Variants in STIM1 observed in about 807,000 individuals in gnomAD.
STIM1 encodes the protein stromal interaction molecule 1.
A neutral mutation model predicts 74.7 loss-of-function variants in STIM1; 25 were observed. The observed-to-expected ratio is 0.33, with a 90% CI of 0.24 to 0.47. The LOEUF is 0.47. STIM1 is among the 20% of genes least tolerant of loss of function. The pLI is 1.00. For missense variants in STIM1, 728 were observed against 920.8 expected (o/e 0.79, Z 2.71); for synonymous variants, 328 against 348.8 (o/e 0.94, Z 0.66).
Position 3,895,753 on chromosome 11 carries a change from TTCCTTC to T in STIM1, c.139+39345_139+39350del, listed in dbSNP as rs1565105477. On this transcript the variant is annotated intron_variant, in intron 1 of 12. Transcript: ENST00000526596. ...TTCTTTCTTTTTCTTTCTTCCTTCC[TTCCTTC>T]CTTCCTTCCTTCCTTCCTTCCTTCC... Among the ~76,000 whole-genome samples the T allele has an allele frequency of 1.9e-3, 113 of 58,112 alleles. 9 individuals are homozygous for T. Among genetic ancestry groups the T allele is most frequent in the Admixed American group, 3.1e-3 (17 of 5,408 alleles). The allele number at this position is 58,112 out of a possible 152,430, so 38.1% of individuals were successfully genotyped here.
chr11:3,872,261 C>T (rs891468280), intron 1 of STIM1, among the ~76,000 whole-genome samples: 2 of 151,900 alleles, frequency 1.3e-5, no homozygotes, highest in African/African-American at 4.8e-5. Flanking sequence ...CCATGTTGGC[C>T]AGGCTCATGT....
intron 2 of STIM1, among the ~76,000 whole-genome samples, chr11:4,013,595 G>A (rs909195063): frequency 1.3e-5 from 2 of 150,708 alleles, no homozygotes; most frequent in African/African-American, 4.9e-5. Context: ...GGGATCGGTG[G>A]CGATATCCCC....
intron 1 of STIM1, among the ~76,000 whole-genome samples, chr11:3,911,667 C>T (rs1590557345): frequency 1.3e-5 from 2 of 152,208 alleles, no homozygotes; most frequent in East Asian, 1.9e-4. Flanking sequence ...GTGTGAGCCA[C>T]CACCCCTGGC....
intron 1 of STIM1, among the ~76,000 whole-genome samples, chr11:3,873,215 A>G (rs958187844): frequency 2.6e-5 from 4 of 152,042 alleles, no homozygotes; most frequent in Non-Finnish European, 4.4e-5. Context: ...AGGGAGTTCG[A>G]GAGCAGCCTG....
At chr11:3,890,964 C>T (rs10767681) in intron 1 of STIM1, among the ~76,000 whole-genome samples, 51,945 of 152,042 alleles carry the variant, frequency 0.34, 10,075 homozygotes, top group South Asian at 0.47. Flanking sequence ...TTTGATATGA[C>T]TTAGGGTCCC....
At chr11:3,916,776 C>T (rs1283665098) in intron 1 of STIM1, among the ~76,000 whole-genome samples, 3 of 151,330 alleles carry the variant, frequency 2.0e-5, no homozygotes, top group African/African-American at 4.9e-5. Context: ...TTAGTAGAGA[C>T]GGGGTTTCGC....
At chr11:4,089,099 G>A in intron 12 of STIM1, 2 of 283,888 alleles carry the variant, frequency 7.0e-6, no homozygotes, top group Admixed American at 8.2e-5. Flanking sequence ...AGTTGGGCAT[G>A]GTGGCACATG....
rs1186038635 is a variant in STIM1, at chr11:4,091,819, A to C, written c.*21A>C. On this transcript the variant is annotated 3_prime_UTR_variant, in exon 13 of 13. Coordinates refer to ENST00000526596, the MANE Select transcript of STIM1 (RefSeq NM_001382567.1). ...AGTAGGCAGGATGGGGTGGCAGTAA[A>C]GGGACAGCTTGTCCTTCCCTGGGTG... The C allele has an allele frequency of 6.2e-7, 1 of 1,600,384 alleles. No homozygotes were observed. The highest frequency in any genetic ancestry group is 1.1e-5 in the South Asian group (1 of 91,072).
intron 12 of STIM1, among the ~76,000 whole-genome samples, chr11:4,090,129 T>C (rs1302229358): frequency 2.0e-5 from 3 of 152,200 alleles, no homozygotes; most frequent in African/African-American, 4.8e-5. Flanking sequence ...GACCGGCCCG[T>C]ACATAGGCCT....
intron 1 of STIM1, among the ~76,000 whole-genome samples, chr11:3,885,105 T>C (rs1018458697): frequency 1.3e-5 from 2 of 152,036 alleles, no homozygotes; most frequent in Middle Eastern, 3.2e-3. Context: ...TATAGATATA[T>C]TAAAAATCAC....
intron 1 of STIM1, chr11:3,947,798 A>C (rs2093096978): frequency 6.6e-6 from 1 of 152,004 alleles, no homozygotes; most frequent in Non-Finnish European, 1.5e-5. Flanking sequence ...ACCTACTTTC[A>C]CCATATATGT....
chr11:4,000,514 C>A (rs944972761), intron 2 of STIM1, among the ~76,000 whole-genome samples: 12 of 152,024 alleles, frequency 7.9e-5, no homozygotes, highest in Admixed American at 4.6e-4. Context: ...AACAGACCTG[C>A]AGCTGAGGGT....
chr11:4,028,622 C>G (rs907747633), intron 3 of STIM1, among the ~76,000 whole-genome samples: 1 of 151,724 alleles, frequency 6.6e-6, no homozygotes, highest in African/African-American at 2.4e-5. Flanking sequence ...TTGGACCAGG[C>G]TGGTCTCGAA....
At chr11:3,904,509 A>C (rs1392802654) in intron 1 of STIM1, among the ~76,000 whole-genome samples, 1 of 152,182 alleles carries the variant, frequency 6.6e-6, no homozygotes, top group Non-Finnish European at 1.5e-5. Flanking sequence ...TATTGGAGTT[A>C]AGCTTTACCG....
chr11:3,909,877 T>C (rs1415251365), intron 1 of STIM1, among the ~76,000 whole-genome samples: 2 of 151,526 alleles, frequency 1.3e-5, no homozygotes, highest in East Asian at 1.9e-4. Context: ...TAATGAGGTA[T>C]GGATTAGAAT....
At chr11:3,935,069 A>G (rs1486006267) in intron 1 of STIM1, among the ~76,000 whole-genome samples, 1 of 152,262 alleles carries the variant, frequency 6.6e-6, no homozygotes, top group East Asian at 1.9e-4. Flanking sequence ...AGTTGCAGCA[A>G]TGAGACACTC....
chr11:3,860,998 G>A (rs2090574377), intron 1 of STIM1, among the ~76,000 whole-genome samples: 1 of 152,146 alleles, frequency 6.6e-6, no homozygotes. Flanking sequence ...GGCTGGGCTA[G>A]ACTAGGTGGC....
chr11:4,091,150 CT>C, intron 12 of STIM1, 131 bp from the exon 13 acceptor site: 1 of 1,259,926 alleles, frequency 7.9e-7, no homozygotes, highest in Admixed American at 1.7e-5. Flanking sequence ...CTATTTCTCT[CT>C]CCTGCCGCTC....
At chr11:3,961,402 A>C (rs1478451108) in intron 1 of STIM1, 2 of 235,950 alleles carry the variant, frequency 8.5e-6, no homozygotes, top group Non-Finnish European at 1.8e-5. Flanking sequence ...TGGGGACATT[A>C]ATATTGAGTG....
Sources: allele counts gnomAD v4.1 joint callset (sites outside exome capture counted in the v4.1 genomes callset), GRCh38; gene constraint gnomAD v4.1.1; transcripts MANE v1.5; gene names NCBI Gene and HGNC (gene_info 2026-07-23, HGNC 2026-07-21).